Variants in RORA observed in about 807,000 individuals in gnomAD.
RORA encodes the protein RAR related orphan receptor A, also known as nuclear receptor ROR-alpha.
Under a neutral mutation model 69.5 loss-of-function variants are expected in RORA, and 7 were observed. That is an observed-to-expected ratio of 0.10 (90% CI 0.06 to 0.19). The LOEUF (loss-of-function observed/expected upper bound fraction) is 0.19, where lower values mean the gene tolerates loss of function less well. Ranked by LOEUF, RORA falls within the 10% of genes least tolerant of loss-of-function variation. The probability of loss-of-function intolerance (pLI) is 1.00; values close to 1 mark genes in which losing one functional copy is unlikely to be tolerated. For synonymous variants in RORA, 261 were observed against 240.8 expected (o/e 1.08, Z -0.78); for missense variants, 457 against 663.0 (o/e 0.69, Z 3.41).
intron 1 of RORA, among the ~76,000 whole-genome samples, chr15:60,875,623 A>C (rs759643490): frequency 1.3e-5 from 2 of 152,220 alleles, no homozygotes; most frequent in Non-Finnish European, 2.9e-5. Flanking sequence ...ATGGAGAGGC[A>C]CTTCAGGGAA....
chr15:60,676,754 A>G (rs2070559550), intron 2 of RORA, among the ~76,000 whole-genome samples: 1 of 152,166 alleles, frequency 6.6e-6, no homozygotes, highest in South Asian at 2.1e-4. Flanking sequence ...TTTCCTCTCT[A>G]GCCACCACTC....
At chr15:60,757,080 T>C (rs772324114) in intron 1 of RORA, among the ~76,000 whole-genome samples, 1 of 152,190 alleles carries the variant, frequency 6.6e-6, no homozygotes, top group South Asian at 2.1e-4. Flanking sequence ...TGCAAAACCA[T>C]TAGATGTTTA....
chr15:60,558,374 T>C, intron 2 of RORA: 1 of 973,326 alleles, frequency 1.0e-6, no homozygotes. Flanking sequence ...GCCACTGCCT[T>C]GTTTATTACA....
chr15:60,829,124 T>G (rs2073004408), intron 1 of RORA, among the ~76,000 whole-genome samples: 1 of 152,122 alleles, frequency 6.6e-6, no homozygotes, highest in Non-Finnish European at 1.5e-5. Context: ...ATGCCTTTCT[T>G]CTGGCCCACT....
At chr15:61,048,046 T>C in intron 1 of RORA, among the ~76,000 whole-genome samples, 1 of 152,176 alleles carries the variant, frequency 6.6e-6, no homozygotes, top group Non-Finnish European at 1.5e-5. Context: ...AACACACACC[T>C]AAAAGAGGCT....
At position 60,900,687 on chromosome 15, in the gene RORA, C is replaced by G. The variant is rs1891363488; in HGVS notation, c.167-222001G>C. On this transcript the variant is annotated intron_variant, in intron 1 of 10. Coordinates refer to ENST00000335670, the MANE Select transcript of RORA (RefSeq NM_134261.3). ...AAGAAATCGAGACCATCCTGGCCAA[C>G]ACGGTGAAACCCCGTCTCTACTAAA... is the stretch of plus-strand genomic sequence containing the variant. Among the ~76,000 whole-genome samples, 8 of 152,170 alleles carry G rather than the reference C, an allele frequency of 5.3e-5. No individual in the cohort carries two copies. In the South Asian group the frequency reaches 1.7e-3, roughly 32 times the overall value.
At position 60,597,571 on chromosome 15, in the gene RORA, T is replaced by C. The variant is rs1305217462; in HGVS notation, c.197-65720A>G. 2.3e-4 allele frequency among the ~76,000 whole-genome samples: 8 copies of C among 35,360 alleles called. 1 individual carries two copies. The highest frequency in any genetic ancestry group is 1.1e-3 in the African/African-American group (8 of 7,108). 23.2% of individuals were successfully genotyped at this position (35,360 alleles called of 152,430 possible). A position where few individuals can be genotyped will look rare whatever the true frequency, so the allele number is the denominator to read the frequency against. Reference sequence around the variant, plus strand: ...CACAACATATATATATATATATATATATACACATATATATATATATATACA... The same window carrying C: ...CACAACATATATATATATATATATACATACACATATATATATATATATACA... On this transcript the variant is annotated intron_variant, in intron 2 of 10. Coordinates refer to ENST00000335670, the MANE Select transcript of RORA (RefSeq NM_134261.3).
chr15:60,927,855 G>A (rs1892261623), intron 1 of RORA, among the ~76,000 whole-genome samples: 1 of 152,180 alleles, frequency 6.6e-6, no homozygotes, highest in South Asian at 2.1e-4. Context: ...AGACCATTCA[G>A]TCCGATGTTC....
chr15:61,068,630 A>T (rs1314564636), intron 1 of RORA, among the ~76,000 whole-genome samples: 2 of 152,236 alleles, frequency 1.3e-5, no homozygotes. Flanking sequence ...TGTTCTATAA[A>T]GCTGAGCTAT....
intron 1 of RORA, among the ~76,000 whole-genome samples, chr15:61,132,259 T>C (rs1037367105): frequency 2.0e-5 from 3 of 152,138 alleles, no homozygotes; most frequent in African/African-American, 7.2e-5. Context: ...CATATATACA[T>C]GTCAACAGGA....
chr15:60,754,211 C>G (rs553676971), intron 1 of RORA, among the ~76,000 whole-genome samples: 13 of 152,174 alleles, frequency 8.5e-5, no homozygotes, highest in Non-Finnish European at 1.6e-4. Flanking sequence ...TGAAAATCAT[C>G]GGCTGCTTTT....
chr15:61,208,937 C>A (rs1596073561), intron 1 of RORA, among the ~76,000 whole-genome samples: 1 of 152,120 alleles, frequency 6.6e-6, no homozygotes, highest in East Asian at 1.9e-4. Context: ...CTGGATAACC[C>A]ATGATTTGGT....
chr15:60,983,007 A>G (rs1236575196), intron 1 of RORA, among the ~76,000 whole-genome samples: 2 of 152,146 alleles, frequency 1.3e-5, no homozygotes, highest in East Asian at 3.9e-4. Context: ...CTTGAAGAAG[A>G]CTGGCGGGTG....
In RORA at chr15:61,213,031, G is replaced by A. The variant is rs989923111; in HGVS notation, c.166+16022C>T. ...TGTAACATATTGTCACCTGCTCCCT[G>A]CTAGACCCCCATTCCCCGCTGCCCA... On this transcript the variant is annotated intron_variant, in intron 1 of 10. Coordinates refer to ENST00000335670, the MANE Select transcript of RORA (RefSeq NM_134261.3). This position sits in a 1 kb window ranked among gnomAD's most constrained non-coding sequence, Gnocchi z 4.1. Among the ~76,000 whole-genome samples, 2 of 151,962 alleles carry A rather than the reference G, an allele frequency of 1.3e-5. No individual in the cohort carries two copies. Among genetic ancestry groups the A allele is most frequent in the Non-Finnish European group, 2.9e-5 (2 of 68,006 alleles).
chr15:60,633,015 C>T (rs930647623), intron 2 of RORA, among the ~76,000 whole-genome samples: 12 of 152,196 alleles, frequency 7.9e-5, no homozygotes, highest in African/African-American at 2.9e-4. Flanking sequence ...AAGAAAGCAA[C>T]ATTTCAATAC....
In RORA at chr15:61,115,172, C is replaced by G. The variant is rs543207213; in HGVS notation, c.166+113881G>C. On this transcript the variant is annotated intron_variant, in intron 1 of 10. Transcript: ENST00000335670. ...GGTCTGGTCCAGTGAAGACACTGCT[C>G]TCTTTCATATCTCCAGAGTCCACCA... Among the ~76,000 whole-genome samples, 84 of 152,222 alleles carry G rather than the reference C, an allele frequency of 5.5e-4. 2 individuals carry two copies. Among genetic ancestry groups the G allele is most frequent in the African/African-American group, 2.0e-3 (81 of 41,520 alleles).
At chr15:60,878,170 CAAAAAAAAA>C (rs11362081) in intron 1 of RORA, among the ~76,000 whole-genome samples, 9,242 of 69,768 alleles carry the variant, frequency 0.13, 796 homozygotes, top group African/African-American at 0.32. Context: ...ACTAAAAATA[CAAAAAAAAA>C]AAAAAAAAAA....
At chr15:60,939,259 G>A (rs1275839168) in intron 1 of RORA, among the ~76,000 whole-genome samples, 1 of 152,082 alleles carries the variant, frequency 6.6e-6, no homozygotes, top group Non-Finnish European at 1.5e-5. Flanking sequence ...CATGAACCAG[G>A]CATTCTTTCA....
chr15:60,665,072 A>G (rs2070360977), intron 2 of RORA, among the ~76,000 whole-genome samples: 1 of 152,252 alleles, frequency 6.6e-6, no homozygotes, highest in African/African-American at 2.4e-5. Context: ...AGACCAGACA[A>G]ACATAGCAAG....
Sources: gnomAD v4.1 joint callset for allele counts (sites outside exome capture counted in the v4.1 genomes callset) on GRCh38, gnomAD v4.1.1 for gene constraint, Gnocchi (gnomAD v3.1) non-coding constraint, MANE v1.5 for transcripts, NCBI Gene and HGNC (gene_info 2026-07-23, HGNC 2026-07-21) for gene names.